The following KALRN variants were observed in gnomAD, a reference collection of about 807,000 sequenced individuals.
KALRN encodes kalirin RhoGEF kinase.
In KALRN, 70 loss-of-function variants were observed where a neutral mutation model predicts 353.7. The ratio of observed to expected loss-of-function variants is 0.20; its 90% CI spans 0.16 to 0.24. The LOEUF (loss-of-function observed/expected upper bound fraction) is 0.24, where lower values mean the gene tolerates loss of function less well. KALRN is among the 10% of genes least tolerant of loss of function. The pLI is 1.00. For missense variants in KALRN, 2,791 were observed against 3,756.7 expected, an observed-to-expected ratio of 0.74 and a Z score of 6.72; for synonymous variants, 1,391 against 1,434.8, an observed-to-expected ratio of 0.97 and a Z score of 0.69.
At position 124,123,193 on chromosome 3, in the gene KALRN, C is replaced by T. The variant is rs972065007; in HGVS notation, c.73+89380C>T. 1.7e-3 allele frequency among the ~76,000 whole-genome samples: 116 copies of T among 68,804 alleles called. 2 individuals are homozygous for T. The highest frequency in any genetic ancestry group is 5.6e-4 in the Non-Finnish European group (16 of 28,694). The allele number at this position is 68,804 out of a possible 152,430, so 45.1% of individuals were successfully genotyped here. Reference sequence around the variant, plus strand: ...CCAGCCTGGACAACAAAGCAAGACTCCATCTCAAAAAAAAAAAGGCAAGAT... The same window carrying T: ...CCAGCCTGGACAACAAAGCAAGACTTCATCTCAAAAAAAAAAAGGCAAGAT... On this transcript the variant is annotated intron_variant, in intron 1 of 59. Coordinates refer to ENST00000682506, the MANE Select transcript of KALRN (RefSeq NM_001388419.1).
chr3:124,134,003 G>A (rs961803535), intron 1 of KALRN, among the ~76,000 whole-genome samples: 3 of 151,998 alleles, frequency 2.0e-5, no homozygotes, highest in Non-Finnish European at 2.9e-5. Context: ...TACCACCATC[G>A]TTCCTCACAC....
In KALRN at chr3:124,663,166, C is replaced by T. The variant is rs571827502; in HGVS notation, c.6345+1238C>T. On this transcript the variant is annotated intron_variant, in intron 45 of 59. Coordinates refer to ENST00000682506, the MANE Select transcript of KALRN (RefSeq NM_001388419.1). Reference sequence around the variant, plus strand: ...TTCTCCATGTTGGTCAGGCTAGTCTCGAACTCCCGACCTCAGGTGATCCGC... The same window carrying T: ...TTCTCCATGTTGGTCAGGCTAGTCTTGAACTCCCGACCTCAGGTGATCCGC... 3.9e-5 allele frequency among the ~76,000 whole-genome samples: 6 copies of T among 152,286 alleles called. No homozygotes were observed. The East Asian group carries it at 5.8e-4, about 15-fold the overall frequency.
At chr3:124,593,642 G>T (rs536040513) in intron 34 of KALRN, among the ~76,000 whole-genome samples, 1 of 152,108 alleles carries the variant, frequency 6.6e-6, no homozygotes, top group African/African-American at 2.4e-5. Flanking sequence ...ATAATGGAAG[G>T]CTCCCTGTGT....
chr3:124,619,618 C>T (rs1342362263), intron 34 of KALRN, among the ~76,000 whole-genome samples: 2 of 151,314 alleles, frequency 1.3e-5, no homozygotes, highest in African/African-American at 2.4e-5. Flanking sequence ...TCCCGAGTAG[C>T]TGGGACTACA....
chr3:124,462,755 GC>G (rs1218985299), intron 25 of KALRN, 122 bp downstream of exon 25: 3 of 605,684 alleles, frequency 5.0e-6, no homozygotes, highest in Non-Finnish European at 8.8e-6. Flanking sequence ...TAAGGCAGTT[GC>G]TGTCAGACTT....
At chr3:124,691,245 G>A (rs1292345166) in intron 51 of KALRN, among the ~76,000 whole-genome samples, 3 of 152,064 alleles carry the variant, frequency 2.0e-5, no homozygotes, top group Non-Finnish European at 4.4e-5. Flanking sequence ...CCTGACCAAC[G>A]TGGCGAGACC....
intron 33 of KALRN, among the ~76,000 whole-genome samples, chr3:124,545,983 C>G (rs572444423): frequency 4.7e-4 from 71 of 152,296 alleles, no homozygotes; most frequent in Non-Finnish European, 5.1e-4. Flanking sequence ...CGTAAGTCGT[C>G]TCCCTTTTTC....
chr3:124,430,528 T>A lies in KALRN; in HGVS notation c.2710-128T>A. On this transcript the variant is annotated intron_variant, in intron 15 of 59. Transcript: ENST00000682506. ...TGACCATTTTGATTATGGTGACATT[T>A]GCTGTCCTCTCTCCAACAGAAGATA... is the stretch of plus-strand genomic sequence containing the variant. 2.7e-6 allele frequency: 3 copies of A among 1,106,320 alleles called. No homozygotes were observed. The East Asian group carries it at 7.4e-5, about 27-fold the overall frequency. 68.5% of individuals were successfully genotyped at this position (1,106,320 alleles called of 1,614,324 possible).
chr3:124,221,142 C>A (rs996356667), intron 1 of KALRN, among the ~76,000 whole-genome samples: 1 of 152,238 alleles, frequency 6.6e-6, no homozygotes, highest in East Asian at 1.9e-4. Context: ...TTCATCACCC[C>A]CTAACTCTGC....
At chr3:124,675,293 A>T (rs577918464) in intron 49 of KALRN, 1 of 152,292 alleles carries the variant, frequency 6.6e-6, no homozygotes, top group South Asian at 2.1e-4. Context: ...AAAGAAACCC[A>T]TATGGATGAA....
intron 25 of KALRN, among the ~76,000 whole-genome samples, chr3:124,471,476 G>A (rs952408665): frequency 6.6e-5 from 10 of 151,648 alleles, no homozygotes; most frequent in African/African-American, 2.2e-4. Flanking sequence ...TAATAGAGAC[G>A]GGGTTTCATC....
Position 124,439,044 on chromosome 3 carries a change from G to A in KALRN, c.3198+7G>A. On this transcript the variant is annotated splice_region_variant and intron_variant, in intron 18 of 59. Coordinates refer to ENST00000682506, the MANE Select transcript of KALRN (RefSeq NM_001388419.1). ...AAAGGAGGCCTTTCTTAAGGTCAGA[G>A]CACATTGTCATGCAAGGGCTCAGAC... The A allele has an allele frequency of 6.2e-7, 1 of 1,613,526 alleles. No homozygotes were observed. The highest frequency in any genetic ancestry group is 8.5e-7 in the Non-Finnish European group (1 of 1,179,568).
Position 124,334,710 on chromosome 3 carries a change from G to A in KALRN, c.1647+215G>A, listed in dbSNP as rs2080946241. ...TCTTGCCTAAGTGACTGTATAGACT[G>A]GCCTTCTCACCACGTGGTATTGTAA... On this transcript the variant is annotated intron_variant, in intron 9 of 59. Transcript: ENST00000682506. The surrounding 1 kb of genome is among the most constrained non-coding windows in gnomAD (Gnocchi z 4.2). Among the ~76,000 whole-genome samples the A allele has an allele frequency of 6.6e-6, 1 of 152,194 alleles. No individual in the cohort carries two copies. The highest frequency in any genetic ancestry group is 6.5e-5 in the Admixed American group (1 of 15,280).
intron 1 of KALRN, among the ~76,000 whole-genome samples, chr3:124,147,207 C>T (rs1332301000): frequency 6.6e-6 from 1 of 152,116 alleles, no homozygotes; most frequent in Non-Finnish European, 1.5e-5. Context: ...TATAACTCCC[C>T]ACCCCATGCA....
At chr3:124,230,198 G>A (rs1424936698) in intron 2 of KALRN, among the ~76,000 whole-genome samples, 1 of 152,114 alleles carries the variant, frequency 6.6e-6, no homozygotes, top group Admixed American at 6.5e-5. Flanking sequence ...ATGGTCCTTA[G>A]TTAACCTGAT....
At chr3:124,499,787 C>A (rs377125925) in intron 33 of KALRN, among the ~76,000 whole-genome samples, 1 of 152,294 alleles carries the variant, frequency 6.6e-6, no homozygotes, top group East Asian at 1.9e-4. Flanking sequence ...AATTGTACCA[C>A]GTTTTACCAG....
At chr3:124,127,645 G>T (rs1432645937) in intron 1 of KALRN, among the ~76,000 whole-genome samples, 1 of 152,172 alleles carries the variant, frequency 6.6e-6, no homozygotes, top group African/African-American at 2.4e-5. Context: ...GAGTGATGGT[G>T]ATTCTTATCT....
chr3:124,561,860 T>G (rs1231726495), intron 33 of KALRN, among the ~76,000 whole-genome samples: 2 of 152,198 alleles, frequency 1.3e-5, no homozygotes, highest in African/African-American at 4.8e-5. Flanking sequence ...AGGGAGACTG[T>G]ACTTAGTTCT....
intron 3 of KALRN, among the ~76,000 whole-genome samples, chr3:124,236,555 G>A (rs1300875486): frequency 6.6e-6 from 1 of 152,202 alleles, no homozygotes; most frequent in Non-Finnish European, 1.5e-5. Context: ...GATCCCGGAA[G>A]ACACAAAGGG....
Sources: gnomAD v4.1 joint callset for allele counts (sites outside exome capture counted in the v4.1 genomes callset) on GRCh38, gnomAD v4.1.1 for gene constraint, Gnocchi (gnomAD v3.1) non-coding constraint, MANE v1.5 for transcripts, NCBI Gene and HGNC (gene_info 2026-07-23, HGNC 2026-07-21) for gene names.